The following CT45A1 variants were observed in gnomAD, a reference collection of about 807,000 sequenced individuals.
The protein encoded by CT45A1 is cancer/testis antigen 45-1.
upstream of CT45A1, among the ~76,000 whole-genome samples, chrX:135,710,894 T>C (rs141841453): frequency 1.2e-3 from 134 of 112,387 alleles, 1 homozygote; most frequent in Middle Eastern, 0.019. Flanking sequence ...TTTTTAATCA[T>C]GTGTCCTCAA....
chrX:135,717,566 C>A (rs1366000933), intron 1 of CT45A1, among the ~76,000 whole-genome samples: 1 of 111,355 alleles, frequency 9.0e-6, no homozygotes, highest in Admixed American at 9.6e-5. Flanking sequence ...AAAATGATGT[C>A]TTCCATTGCA....
chrX:135,717,433 C>T (rs1185125090), intron 1 of CT45A1, among the ~76,000 whole-genome samples: 3 of 110,526 alleles, frequency 2.7e-5, no homozygotes, highest in Admixed American at 9.7e-5. Flanking sequence ...CCTGTAATCT[C>T]AGCTACTCGG....
At chrX:135,710,946 C>T (rs1467004235), upstream of CT45A1, among the ~76,000 whole-genome samples, 1 of 112,007 alleles carries the variant, frequency 8.9e-6, no homozygotes, top group Non-Finnish European at 1.9e-5. Context: ...ACAGCCTATG[C>T]ATGGTACATA....
At chrX:135,713,985 T>C (rs782350785) in intron 1 of CT45A1, among the ~76,000 whole-genome samples, 1 of 103,813 alleles carries the variant, frequency 9.6e-6, no homozygotes, top group East Asian at 3.1e-4. Flanking sequence ...TGAAATGACC[T>C]GAGCCCGGGG....
intron 1 of CT45A1, among the ~76,000 whole-genome samples, chrX:135,718,537 A>G (rs1421212710): frequency 1.8e-5 from 2 of 110,554 alleles, no homozygotes; most frequent in Non-Finnish European, 3.8e-5. Flanking sequence ...AATATAATGT[A>G]TAATATATAG....
upstream of CT45A1, among the ~76,000 whole-genome samples, chrX:135,710,872 C>T (rs1375964792): frequency 8.9e-6 from 1 of 112,090 alleles, no homozygotes; most frequent in Non-Finnish European, 1.9e-5. Flanking sequence ...TCTCAGACGT[C>T]CTTGACAGAA....
At chrX:135,713,100 C>T (rs782608909), upstream of CT45A1, among the ~76,000 whole-genome samples, 42 of 94,056 alleles carry the variant, frequency 4.5e-4, no homozygotes, top group African/African-American at 1.6e-3. Flanking sequence ...TACGGTGGTG[C>T]GTTCTCGGCT....
At chrX:135,715,419 T>TTATATATATAATACTTATATATAA (rs2087976425) in intron 1 of CT45A1, among the ~76,000 whole-genome samples, 1 of 70,953 alleles carries the variant, frequency 1.4e-5, no homozygotes, top group Non-Finnish European at 2.6e-5. Flanking sequence ...TATATAATAC[T>TTATATATATAATACTTATATATAA]TATATATATA....
intron 1 of CT45A1, among the ~76,000 whole-genome samples, chrX:135,717,330 C>T (rs1176497154): frequency 8.9e-6 from 1 of 111,844 alleles, no homozygotes; most frequent in African/African-American, 3.2e-5. Flanking sequence ...GGGCAGATCA[C>T]TTGCAGCCAG....
chrX:135,715,365 ATATATATAATACTTATATATAATACT>A (rs1475843429), intron 1 of CT45A1, among the ~76,000 whole-genome samples: 6 of 64,768 alleles, frequency 9.3e-5, no homozygotes, highest in Admixed American at 2.2e-4. Flanking sequence ...TATAATACTT[ATATATATAATACTTATATATAATACT>A]TATATATATA....
chrX:135,715,602 T>C (rs2087980511), intron 1 of CT45A1, among the ~76,000 whole-genome samples: 1 of 93,604 alleles, frequency 1.1e-5, no homozygotes, highest in South Asian at 4.7e-4. Flanking sequence ...ATAATACTTA[T>C]ATATAATACT....
chrX:135,716,166 A>G lies in CT45A1; in HGVS notation c.-7+2476A>G, dbSNP rs782399510. On this transcript the variant is annotated intron_variant, in intron 1 of 4. Transcript: ENST00000594565. ...ACGTGTGCATGTGTCTTTATAGAAG[A>G]ATGATTTATAATCCTTTAGGTATAT... Among the ~76,000 whole-genome samples the G allele has an allele frequency of 6.3e-5, 7 of 111,584 alleles. No homozygotes were observed. In the South Asian group the frequency reaches 2.6e-3, roughly 42 times the overall value.
chrX:135,709,249 C>T (rs1353211979), upstream of CT45A1, among the ~76,000 whole-genome samples: 1 of 111,811 alleles, frequency 8.9e-6, no homozygotes, highest in African/African-American at 3.3e-5. Context: ...CCTCAGCCTC[C>T]TGTGTAGCTG....
intron 1 of CT45A1, among the ~76,000 whole-genome samples, chrX:135,715,693 T>C (rs2087983111): frequency 9.9e-6 from 1 of 101,280 alleles, no homozygotes; most frequent in African/African-American, 3.6e-5. Flanking sequence ...TATATAATAC[T>C]TATATATATA....
At chrX:135,709,630 A>C (rs376880787), upstream of CT45A1, among the ~76,000 whole-genome samples, 1 of 111,019 alleles carries the variant, frequency 9.0e-6, no homozygotes, top group Non-Finnish European at 1.9e-5. Flanking sequence ...GAGATACTGC[A>C]TGTTCTCATT....
upstream of CT45A1, among the ~76,000 whole-genome samples, chrX:135,711,363 G>T (rs1324552933): frequency 8.9e-6 from 1 of 111,761 alleles, no homozygotes; most frequent in Non-Finnish European, 1.9e-5. Flanking sequence ...AATACAATAG[G>T]CTAGGAAGCT....
chrX:135,717,613 A>G (rs2087998147), intron 1 of CT45A1, among the ~76,000 whole-genome samples: 1 of 111,690 alleles, frequency 9.0e-6, no homozygotes, highest in Admixed American at 9.5e-5. Context: ...TGCAGTCTTG[A>G]ATTTCTCTGA....
upstream of CT45A1, among the ~76,000 whole-genome samples, chrX:135,712,400 G>A (rs782076465): frequency 4.6e-5 from 5 of 108,836 alleles, no homozygotes; most frequent in South Asian, 2.0e-3. Flanking sequence ...TGGGCTCAAG[G>A]AATCTACCCA....
At chrX:135,712,268 T>G (rs1283602015), upstream of CT45A1, among the ~76,000 whole-genome samples, 2 of 89,847 alleles carry the variant, frequency 2.2e-5, no homozygotes, top group African/African-American at 8.2e-5. Flanking sequence ...AAACTCCTAG[T>G]CTCAAGCCTC....
Sources: gnomAD v4.1 joint callset for allele counts (sites outside exome capture counted in the v4.1 genomes callset) on GRCh38, gnomAD v4.1.1 for gene constraint, MANE v1.5 for transcripts, NCBI Gene and HGNC (gene_info 2026-07-23, HGNC 2026-07-21) for gene names.